The following OSBPL10 variants were observed in gnomAD, a reference collection of about 807,000 sequenced individuals.
OSBPL10 encodes oxysterol binding protein like 10, also known as oxysterol-binding protein-related protein 10.
In OSBPL10, 49 loss-of-function variants were observed where a neutral mutation model predicts 81.7. The observed-to-expected ratio is 0.60, with a 90% CI of 0.48 to 0.76. The LOEUF (loss-of-function observed/expected upper bound fraction) is 0.76. Among genes scored for constraint, OSBPL10 ranks in the 30% least tolerant of loss-of-function variants. OSBPL10 has a pLI of 0.00. For synonymous variants in OSBPL10, 419 were observed against 383.6 expected, an observed-to-expected ratio of 1.09 and a Z score of -1.08; for missense variants, 923 against 987.8, an observed-to-expected ratio of 0.93 and a Z score of 0.88.
chr3:31,720,356 G>A (rs1696595149), intron 6 of OSBPL10, among the ~76,000 whole-genome samples: 1 of 152,164 alleles, frequency 6.6e-6, no homozygotes, highest in Admixed American at 6.5e-5. Context: ...AGGGAGGAAG[G>A]GAGGGGCAAT....
chr3:31,697,592 T>C (rs1042393669), intron 7 of OSBPL10, among the ~76,000 whole-genome samples: 9 of 152,182 alleles, frequency 5.9e-5, no homozygotes, highest in African/African-American at 1.9e-4. Flanking sequence ...TAGCAATTAA[T>C]AATAATAATT....
intron 4 of OSBPL10, among the ~76,000 whole-genome samples, chr3:31,810,188 C>T (rs552084218): frequency 5.9e-5 from 9 of 152,008 alleles, no homozygotes; most frequent in Admixed American, 5.9e-4. Flanking sequence ...ACTCTTTATA[C>T]CAAATTTCTT....
intron 2 of OSBPL10, among the ~76,000 whole-genome samples, chr3:32,032,537 A>G (rs927971370): frequency 6.6e-6 from 1 of 152,180 alleles, no homozygotes; most frequent in Admixed American, 6.6e-5. Flanking sequence ...TCCTTCTTGC[A>G]TGACCCCTCC....
At chr3:31,681,152 T>G (rs906204620) in intron 8 of OSBPL10, among the ~76,000 whole-genome samples, 2 of 152,202 alleles carry the variant, frequency 1.3e-5, no homozygotes, top group Non-Finnish European at 2.9e-5. Flanking sequence ...AATTAATGAA[T>G]GTCTCATTGG....
chr3:31,973,624 C>T (rs1052687980), intron 1 of OSBPL10, among the ~76,000 whole-genome samples: 2 of 152,186 alleles, frequency 1.3e-5, no homozygotes, highest in African/African-American at 4.8e-5. Context: ...CCTAGACTGC[C>T]CCTCTCAGAA....
At chr3:32,033,068 T>C (rs139239131) in intron 2 of OSBPL10, among the ~76,000 whole-genome samples, 63 of 152,314 alleles carry the variant, frequency 4.1e-4, no homozygotes, top group African/African-American at 1.5e-3. Context: ...TGTTTTTAGA[T>C]TTTACAAGTT....
chr3:31,878,711 G>A (rs1701543286), intron 2 of OSBPL10, among the ~76,000 whole-genome samples: 2 of 151,932 alleles, frequency 1.3e-5, no homozygotes, highest in Admixed American at 1.3e-4. Context: ...TTAGTCAAAA[G>A]AAAATGTTAC....
intron 5 of OSBPL10, among the ~76,000 whole-genome samples, chr3:31,734,942 G>A (rs1262930967): frequency 2.6e-5 from 4 of 152,230 alleles, no homozygotes; most frequent in African/African-American, 9.6e-5. Context: ...ATTACTCAAA[G>A]AAAAGTCTAC....
At position 31,670,998 on chromosome 3, in the gene OSBPL10, G is replaced by A. The variant is rs1477175956; in HGVS notation, c.1727-15C>T. ...CCTCAACACACCTCCAGGGAGAGAG[G>A]AGGGAGAGTTAGGCATGCAAACATG... is the stretch of plus-strand genomic sequence containing the variant. On this transcript the variant is annotated splice_polypyrimidine_tract_variant and intron_variant, in intron 8 of 11. Coordinates refer to ENST00000396556, the MANE Select transcript of OSBPL10 (RefSeq NM_017784.5). 3.1e-6 allele frequency: 5 copies of A among 1,596,484 alleles called. No individual in the cohort carries two copies. The highest frequency in any genetic ancestry group is 8.5e-7 in the Non-Finnish European group (1 of 1,170,362).
At chr3:31,925,307 C>G (rs532869920) in intron 1 of OSBPL10, among the ~76,000 whole-genome samples, 1 of 152,142 alleles carries the variant, frequency 6.6e-6, no homozygotes, top group East Asian at 1.9e-4. Context: ...AGACCCTCCA[C>G]GACCCTCCAC....
intron 1 of OSBPL10, among the ~76,000 whole-genome samples, chr3:31,914,972 TTTTTCCC>T (rs1696708905): frequency 6.6e-6 from 1 of 152,020 alleles, no homozygotes; most frequent in Non-Finnish European, 1.5e-5. Flanking sequence ...TTGGTTTTGT[TTTTTCCC>T]TTTGAGACAG....
chr3:31,927,594 C>CAG (rs61177380), intron 1 of OSBPL10, among the ~76,000 whole-genome samples: 12,658 of 152,238 alleles, frequency 0.083, 1,158 homozygotes, highest in African/African-American at 0.23. Flanking sequence ...ATAAAAGGAA[C>CAG]AGAGGCTTGT....
intron 1 of OSBPL10, among the ~76,000 whole-genome samples, chr3:31,930,870 TG>T (rs1697222081): frequency 6.6e-6 from 1 of 151,052 alleles, no homozygotes; most frequent in African/African-American, 2.4e-5. Context: ...AAAAATTAGC[TG>T]GGCGTGGTGG....
intron 2 of OSBPL10, among the ~76,000 whole-genome samples, chr3:32,022,621 A>G (rs1699371131): frequency 6.6e-6 from 1 of 152,096 alleles, no homozygotes; most frequent in Non-Finnish European, 1.5e-5. Flanking sequence ...CCCCATCTCT[A>G]CAAAAATACA....
chr3:31,673,046 G>A lies in OSBPL10; in HGVS notation c.1727-2063C>T, dbSNP rs76780333. Among the ~76,000 whole-genome samples the A allele has an allele frequency of 5.0e-4, 76 of 152,218 alleles. 2 individuals are homozygous for A. In the East Asian group the frequency reaches 0.011, roughly 21 times the overall value. ...CACTCCAACTTGCTGGAGCTCTCTT[G>A]ACTAAACTCATCTTGCCAAAAGTAA... is the stretch of plus-strand genomic sequence containing the variant. On this transcript the variant is annotated intron_variant, in intron 8 of 11. Transcript: ENST00000396556.
intron 11 of OSBPL10, 70 bp downstream of exon 11, chr3:31,664,009 A>G: frequency 1.9e-6 from 3 of 1,613,922 alleles, no homozygotes; most frequent in Non-Finnish European, 1.7e-6. Context: ...GCTCAGCAAG[A>G]AAAACCCATC....
chr3:31,820,236 A>G (rs765858696), intron 4 of OSBPL10, among the ~76,000 whole-genome samples: 5 of 152,190 alleles, frequency 3.3e-5, no homozygotes, highest in Non-Finnish European at 7.3e-5. Context: ...TCATGTAGTA[A>G]TAGCTATTAT....
At chr3:31,663,535 T>C (rs1175965072) in intron 11 of OSBPL10, 2 of 1,001,388 alleles carry the variant, frequency 2.0e-6, no homozygotes, top group Non-Finnish European at 2.4e-6. Context: ...TTCTAGCTTC[T>C]AGTGTCACAT....
chr3:31,770,616 A>G (rs997827165), intron 4 of OSBPL10, among the ~76,000 whole-genome samples: 10 of 152,000 alleles, frequency 6.6e-5, no homozygotes, highest in African/African-American at 2.4e-4. Flanking sequence ...GAGAAACCCC[A>G]TCTCTACTAA....
Sources: gnomAD v4.1 joint callset for allele counts (sites outside exome capture counted in the v4.1 genomes callset) on GRCh38, gnomAD v4.1.1 for gene constraint, MANE v1.5 for transcripts, NCBI Gene and HGNC (gene_info 2026-07-23, HGNC 2026-07-21) for gene names.